The following EMID1 variants were observed in gnomAD, a reference collection of about 807,000 sequenced individuals.
EMID1 encodes the protein EMI domain-containing protein 1.
EMID1 carries 40 observed loss-of-function variants against 60.6 expected under a neutral mutation model. The ratio of observed to expected loss-of-function variants is 0.66; its 90% CI spans 0.51 to 0.86. The LOEUF (loss-of-function observed/expected upper bound fraction) is 0.86, where lower values mean the gene tolerates loss of function less well. EMID1 is among the 40% of genes least tolerant of loss of function. EMID1 has a pLI of 0.00. For missense variants in EMID1, 585 were observed against 597.1 expected (o/e 0.98, Z 0.21); for synonymous variants, 242 against 231.0 (o/e 1.05, Z -0.43).
chr22:29,232,145 C>T (rs970475442), intron 7 of EMID1, 111 bp from the exon 8 acceptor site: 30 of 1,306,010 alleles, frequency 2.3e-5, no homozygotes, highest in East Asian at 2.1e-4. Context: ...CTGTGGACTC[C>T]GGGGCCCTCT....
At position 29,258,909 on chromosome 22, in the gene EMID1, A is replaced by G; in HGVS notation, c.1297A>G (p.Ile433Val). 1.2e-6 allele frequency: 2 copies of G among 1,613,204 alleles called. No homozygotes were observed. The highest frequency in any genetic ancestry group is 1.1e-5 in the South Asian group (1 of 91,070). The change falls in exon 15 of 15, where the codon ATC becomes GTC. Residue 433 changes from isoleucine to valine, a missense_variant. Physicochemically the swap from Ile to Val is conservative, Grantham distance 29. Transcript: ENST00000334018. ...KRGGHATNYR[I>V]VAPRSRDERG ...GGGCGGACATGCAACCAACTACCGG[A>G]TCGTGGCCCCCAGGAGCCGGGACGA...
chr22:29,255,187 C>CCCAA, intron 14 of EMID1: 1 of 225,786 alleles, frequency 4.4e-6, no homozygotes, highest in Non-Finnish European at 1.0e-5. Context: ...GCTGGCAGTG[C>CCCAA]CCTCCCACCC....
intron 12 of EMID1, among the ~76,000 whole-genome samples, chr22:29,236,764 G>A (rs972272996): frequency 6.6e-6 from 1 of 151,722 alleles, no homozygotes; most frequent in Non-Finnish European, 1.5e-5. Context: ...TGGGTTAACA[G>A]CTACCATATT....
chr22:29,219,443 A>G (rs555391467), intron 3 of EMID1, among the ~76,000 whole-genome samples: 2 of 152,180 alleles, frequency 1.3e-5, no homozygotes, highest in South Asian at 2.1e-4. Context: ...TTCCAAGAAG[A>G]GGAACCAGAG....
At chr22:29,253,969 G>A (rs2041613338) in intron 13 of EMID1, 22 of 985,430 alleles carry the variant, frequency 2.2e-5, no homozygotes, top group Non-Finnish European at 2.7e-5. Flanking sequence ...GCAGCCAGCT[G>A]GGATCCAACG....
In EMID1 at chr22:29,258,899, C is replaced by A; in HGVS notation, c.1287C>A (p.Thr429=). The A allele has an allele frequency of 6.2e-7, 1 of 1,613,390 alleles. No homozygotes were observed. Among genetic ancestry groups the A allele is most frequent in the Non-Finnish European group, 8.5e-7 (1 of 1,179,760 alleles). ...LLRGKRGGHA[T]NYRIVAPRSR... ...GGGGCAAGAGGGGCGGACATGCAAC[C>A]AACTACCGGATCGTGGCCCCCAGGA... Residue 429 remains threonine (T), a synonymous_variant, in exon 15 of 15, where the codon ACC becomes ACA. Transcript: ENST00000334018.
At chr22:29,210,239 C>T (rs576824763) in intron 1 of EMID1, among the ~76,000 whole-genome samples, 8 of 145,526 alleles carry the variant, frequency 5.5e-5, no homozygotes, top group Non-Finnish European at 1.2e-4. Context: ...AGGCAGGGAC[C>T]CACATGGCAA....
At chr22:29,219,411 A>G (rs2040206754) in intron 3 of EMID1, among the ~76,000 whole-genome samples, 1 of 151,798 alleles carries the variant, frequency 6.6e-6, no homozygotes, top group Non-Finnish European at 1.5e-5. Flanking sequence ...TTCCCTGTCC[A>G]TGGTTCCTCA....
chr22:29,234,965 C>T (rs1052484769), intron 12 of EMID1, among the ~76,000 whole-genome samples: 2 of 151,608 alleles, frequency 1.3e-5, no homozygotes, highest in Non-Finnish European at 2.9e-5. Flanking sequence ...GAAGGTGGAT[C>T]GTTTGAGCTC....
At chr22:29,234,249 G>C (rs938593770) in intron 11 of EMID1, 50 bp downstream of exon 11, 1 of 1,611,166 alleles carries the variant, frequency 6.2e-7, no homozygotes, top group African/African-American at 1.3e-5. Context: ...AGTCCTGAGG[G>C]CCCCAGGTCA....
At position 29,259,001 on chromosome 22, in the gene EMID1, G is replaced by T. The variant is rs1056423938; in HGVS notation, c.*57G>T. The T allele has an allele frequency of 2.2e-4, 340 of 1,570,762 alleles. 1 individual carries two copies. The highest frequency in any genetic ancestry group is 2.7e-4 in the Non-Finnish European group (316 of 1,161,172). Reference sequence around the variant, plus strand: ...CAGGCTTCCCCTCCTACCTGGACTCGGCCAGCTGCCTCCAGGGACCGCCCG... The same window carrying T: ...CAGGCTTCCCCTCCTACCTGGACTCTGCCAGCTGCCTCCAGGGACCGCCCG... On this transcript the variant is annotated 3_prime_UTR_variant, in exon 15 of 15. Coordinates refer to ENST00000334018, the MANE Select transcript of EMID1 (RefSeq NM_133455.4).
At chr22:29,209,200 C>G (rs2039789960) in intron 1 of EMID1, among the ~76,000 whole-genome samples, 1 of 152,198 alleles carries the variant, frequency 6.6e-6, no homozygotes, top group Non-Finnish European at 1.5e-5. Flanking sequence ...CTGGGCCCCT[C>G]GTGGCAGGGG....
chr22:29,235,341 T>G (rs2040906281), intron 12 of EMID1, among the ~76,000 whole-genome samples: 1 of 108,996 alleles, frequency 9.2e-6, no homozygotes, highest in Non-Finnish European at 1.9e-5. Flanking sequence ...AGAGTGAGAC[T>G]TCATCTCAAA....
In EMID1 at chr22:29,215,012, C is replaced by G; in HGVS notation, c.188C>G (p.Pro63Arg). The G allele has an allele frequency of 6.5e-7, 1 of 1,549,738 alleles. No individual in the cohort carries two copies. Among genetic ancestry groups the G allele is most frequent in the Non-Finnish European group, 8.7e-7 (1 of 1,144,832 alleles). The change falls in exon 2 of 15, where the codon CCC becomes CGC. Residue 63 changes from proline (P) to arginine (R), a missense_variant. Coordinates refer to ENST00000334018, the MANE Select transcript of EMID1 (RefSeq NM_133455.4). ...TYLQRVLQNC[P>R]WPMSCPGSSY... ...CTTCAGCGAGTGCTGCAGAACTGCC[C>G]CTGGCCCATGAGCTGTCCGGGGAGC...
At chr22:29,248,293 GT>G (rs1272621489) in intron 13 of EMID1, among the ~76,000 whole-genome samples, 25 of 65,384 alleles carry the variant, frequency 3.8e-4, no homozygotes, top group African/African-American at 1.2e-3. Flanking sequence ...CTTTTTAAAT[GT>G]TTTTGCTAAA....
At chr22:29,212,912 G>A (rs1004418414) in intron 1 of EMID1, among the ~76,000 whole-genome samples, 6 of 152,166 alleles carry the variant, frequency 3.9e-5, no homozygotes, top group African/African-American at 9.7e-5. Context: ...GAGCGAACAC[G>A]TGGACGGCTC....
Position 29,233,658 on chromosome 22 carries a change from G to A in EMID1, c.958G>A (p.Gly320Ser), listed in dbSNP as rs1287863244. 2 of 1,613,884 alleles carry A rather than the reference G, an allele frequency of 1.2e-6. No individual in the cohort carries two copies. The highest frequency in any genetic ancestry group is 1.7e-6 in the Non-Finnish European group (2 of 1,179,814). The change falls in exon 10 of 15, where the codon GGT (glycine) becomes AGT (serine). Residue 320 changes from glycine (G) to serine (S), a missense_variant. Coordinates refer to ENST00000334018, the MANE Select transcript of EMID1 (RefSeq NM_133455.4). ...CCCCACAGGTGTCCCTGGGAGTCCT[G>A]GTCACATAGTGAGTAGTTCTCCTTG... ...PGPTGVPGSP[G>S]HIGPPGPTGP...
In EMID1 at chr22:29,258,036, G is replaced by A. The variant is rs538749349; in HGVS notation, c.1205-781G>A. 1.2e-3 allele frequency among the ~76,000 whole-genome samples: 178 copies of A among 152,292 alleles called. 2 individuals carry two copies. The highest frequency in any genetic ancestry group is 0.012 in the Admixed American group (177 of 15,304). ...ATTACGACGGACAGCCCACTCCATG[G>A]CAGTGCCCTCAGTGGGAACCTGGTG... On this transcript the variant is annotated intron_variant, in intron 14 of 14. Transcript: ENST00000334018.
intron 13 of EMID1, among the ~76,000 whole-genome samples, chr22:29,251,099 C>T (rs2041512836): frequency 6.7e-6 from 1 of 149,236 alleles, no homozygotes; most frequent in African/African-American, 2.5e-5. Context: ...TTAATTTTTT[C>T]TTTTTTTGAG....
Sources: allele counts gnomAD v4.1 joint callset (sites outside exome capture counted in the v4.1 genomes callset), GRCh38; gene constraint gnomAD v4.1.1; transcripts MANE v1.5; gene names NCBI Gene and HGNC (gene_info 2026-07-23, HGNC 2026-07-21).